LRRC37B: variants seen among roughly 807,000 people sequenced by gnomAD.
LRRC37B encodes the protein leucine rich repeat containing 37B, also known as leucine-rich repeat-containing protein 37B.
In LRRC37B, 28 loss-of-function variants were observed where a neutral mutation model predicts 98.3. The observed-to-expected ratio is 0.28, with a 90% CI of 0.21 to 0.39. The LOEUF (loss-of-function observed/expected upper bound fraction) is 0.39. LRRC37B is among the 10% of genes least tolerant of loss of function. LRRC37B has a pLI of 1.00. For missense variants in LRRC37B, 938 were observed against 1,182.7 expected (o/e 0.79, Z 3.03); for synonymous variants, 364 against 442.7 (o/e 0.82, Z 2.23).
At chr17:32,022,522 C>G in exon 1 of LRRC37B, 1 of 1,613,660 alleles carries the variant, frequency 6.2e-7, no homozygotes, top group Non-Finnish European at 8.5e-7. Flanking sequence ...GAACCCACTA[C>G]AGAGATTGGA....
At chr17:32,029,766 T>TG (rs1229559222) in intron 3 of LRRC37B, among the ~76,000 whole-genome samples, 1 of 152,182 alleles carries the variant, frequency 6.6e-6, no homozygotes, top group Non-Finnish European at 1.5e-5. Flanking sequence ...GGAGCCATCA[T>TG]GGGGAACCAT....
upstream of LRRC37B, among the ~76,000 whole-genome samples, chr17:32,007,429 A>G (rs1016987230): frequency 6.6e-6 from 1 of 151,984 alleles, no homozygotes; most frequent in Non-Finnish European, 1.5e-5. This position sits in a 1 kb window ranked among gnomAD's most constrained non-coding sequence, Gnocchi z 4.1. Context: ...GTTGAAGGCG[A>G]TCTTGAGTGG....
intron 5 of LRRC37B, 78 bp from the exon 9 acceptor site, chr17:32,034,832 C>T: frequency 1.7e-6 from 2 of 1,144,632 alleles, no homozygotes; most frequent in East Asian, 2.5e-5. Flanking sequence ...AGTTCCATAC[C>T]AAAAAATGAA....
intron 1 of LRRC37B, among the ~76,000 whole-genome samples, chr17:32,009,584 ATCTT>A: frequency 6.6e-6 from 1 of 151,992 alleles, no homozygotes; most frequent in Middle Eastern, 3.4e-3. Flanking sequence ...AGATACCAAA[ATCTT>A]TATTTAAGAT....
chr17:32,021,738 G>A, exon 1 of LRRC37B: 1 of 1,614,240 alleles, frequency 6.2e-7, no homozygotes, highest in Non-Finnish European at 8.5e-7. Context: ...AGATCTAGCT[G>A]AACGTTGGAG....
intron 8 of LRRC37B, among the ~76,000 whole-genome samples, chr17:32,046,604 T>C (rs1323618592): frequency 4.0e-5 from 6 of 150,950 alleles, no homozygotes; most frequent in South Asian, 2.1e-4. Flanking sequence ...TTTTTCTTTT[T>C]TTTTTTTTTT....
chr17:32,029,461 A>T (rs1424489513), intron 3 of LRRC37B, among the ~76,000 whole-genome samples: 61 of 152,274 alleles, frequency 4.0e-4, no homozygotes, highest in African/African-American at 1.4e-3. Flanking sequence ...GAAGAAATGG[A>T]TGTGGGCACT....
At chr17:32,009,045 C>T (rs558733167) in intron 1 of LRRC37B, among the ~76,000 whole-genome samples, 1 of 152,128 alleles carries the variant, frequency 6.6e-6, no homozygotes, top group African/African-American at 2.4e-5. Context: ...TCATTCTTAC[C>T]TGCAAATGTA....
At chr17:32,013,366 C>G (rs1304053770) in intron 1 of LRRC37B, among the ~76,000 whole-genome samples, 2 of 152,024 alleles carry the variant, frequency 1.3e-5, no homozygotes, top group African/African-American at 4.8e-5. Flanking sequence ...TGTAATCTGA[C>G]AGCATCTTTT....
chr17:32,038,025 G>A (rs1409843460), intron 7 of LRRC37B, among the ~76,000 whole-genome samples: 3 of 152,140 alleles, frequency 2.0e-5, no homozygotes, highest in Non-Finnish European at 4.4e-5. Context: ...TACTCGGGAG[G>A]CTGAGGCAGG....
intron 7 of LRRC37B, chr17:32,041,026 A>G (rs1200290153): frequency 1.3e-6 from 1 of 781,448 alleles, no homozygotes; most frequent in Non-Finnish European, 2.4e-6. Flanking sequence ...ACCAGCATGC[A>G]CAACCTCCTG....
intron 7 of LRRC37B, among the ~76,000 whole-genome samples, chr17:32,039,479 A>AATATATATAT (rs1185838390): frequency 3.1e-4 from 12 of 38,824 alleles, no homozygotes; most frequent in Non-Finnish European, 3.6e-4. Flanking sequence ...CCTGCCTAAA[A>AATATATATAT]ATATATATAT....
At chr17:32,035,129 A>G in intron 6 of LRRC37B, 148 bp downstream of exon 9, 1 of 640,332 alleles carries the variant, frequency 1.6e-6, no homozygotes, top group South Asian at 2.1e-5. Context: ...AAAGAAAAGG[A>G]TTAAGAAAGG....
intron 7 of LRRC37B, chr17:32,040,383 G>A (rs1014828945): frequency 2.2e-5 from 10 of 464,652 alleles, no homozygotes; most frequent in African/African-American, 2.0e-4. Flanking sequence ...TCACGCACCT[G>A]GGAGCCTGTT....
upstream of LRRC37B, among the ~76,000 whole-genome samples, chr17:32,019,665 T>C (rs1207385997): frequency 6.6e-6 from 1 of 152,178 alleles, no homozygotes; most frequent in Non-Finnish European, 1.5e-5. Context: ...AGTTGCAAAG[T>C]GTTTTGAAGT....
rs749659999 is a variant in LRRC37B, at chr17:32,050,123, A to C, written c.2862+16A>C. 7.6e-7 allele frequency: 1 copy of C among 1,315,270 alleles called. No homozygotes were observed. The highest frequency in any genetic ancestry group is 2.3e-5 in the East Asian group (1 of 43,448). 81.5% of individuals were successfully genotyped at this position (1,315,270 alleles called of 1,614,324 possible). A position where few individuals can be genotyped will look rare whatever the true frequency, so the allele number is the denominator to read the frequency against. ...TCTTATAGAGGTAAGGACAATAATTAATTCAGGTTTTCAGAATACAATCCT... is the reference window on the plus strand; with the variant it reads ...TCTTATAGAGGTAAGGACAATAATTCATTCAGGTTTTCAGAATACAATCCT... On this transcript the variant is annotated intron_variant, in intron 11 of 11. Transcript: ENST00000327564.
chr17:32,007,752 G>A (rs565275299), upstream of LRRC37B: 1,400 of 1,193,950 alleles, frequency 1.2e-3, 1 homozygote, highest in Non-Finnish European at 1.4e-3. The surrounding 1 kb of genome is among the most constrained non-coding windows in gnomAD (Gnocchi z 4.1). Context: ...GGGGCAGGTG[G>A]GCAGCCGCCA....
intron 8 of LRRC37B, among the ~76,000 whole-genome samples, chr17:32,046,598 TC>T (rs1312011126): frequency 6.6e-6 from 1 of 150,408 alleles, no homozygotes; most frequent in South Asian, 2.1e-4. Context: ...TTTCTTTTTT[TC>T]TTTTTTTTTT....
intron 5 of LRRC37B, among the ~76,000 whole-genome samples, chr17:32,033,106 G>A (rs915009962): frequency 2.0e-5 from 3 of 152,222 alleles, no homozygotes; most frequent in African/African-American, 4.8e-5. Flanking sequence ...GGAGGTTGCA[G>A]TGAGCCAAGG....
Sources: gnomAD v4.1 joint callset for allele counts (sites outside exome capture counted in the v4.1 genomes callset) on GRCh38, gnomAD v4.1.1 for gene constraint, Gnocchi (gnomAD v3.1) non-coding constraint, MANE v1.5 for transcripts, NCBI Gene and HGNC (gene_info 2026-07-23, HGNC 2026-07-21) for gene names.